Variants in ASAP1 observed in about 807,000 individuals in gnomAD.
ASAP1 encodes the protein arf-GAP with SH3 domain, ANK repeat and PH domain-containing protein 1.
Under a neutral mutation model 145.2 loss-of-function variants are expected in ASAP1, and 43 were observed. The ratio of observed to expected loss-of-function variants is 0.30; its 90% confidence interval spans 0.23 to 0.38. The LOEUF (loss-of-function observed/expected upper bound fraction) is 0.38, where lower values mean the gene tolerates loss of function less well. ASAP1 is among the 10% of genes least tolerant of loss of function. ASAP1 has a pLI of 1.00. For missense variants in ASAP1, 1,018 were observed against 1,355.3 expected (o/e 0.75, Z 3.91); for synonymous variants, 546 against 515.5 (o/e 1.06, Z -0.80).
intron 7 of ASAP1, among the ~76,000 whole-genome samples, chr8:130,181,701 A>G (rs939123280): frequency 6.6e-6 from 1 of 152,224 alleles, no homozygotes; most frequent in African/African-American, 2.4e-5. Flanking sequence ...GTGATAAAGA[A>G]GAAAGGCCCA....
rs10678909 is a variant in ASAP1 at position 130,276,728 on chromosome 8, A to ACTCTCTCTCTCT, written c.187-39746_187-39735dup. ...CACACACACACACACACACACACACACTCTCTCTCTCTCTCTCTCTCTCTC... is the reference window on the plus strand; with the variant it reads ...CACACACACACACACACACACACACACTCTCTCTCTCTCTCTCTCTCTCTCTCTCTCTCTCTC... On this transcript the variant is annotated intron_variant, in intron 3 of 29. Transcript: ENST00000518721. Among the ~76,000 whole-genome samples the ACTCTCTCTCTCT allele has an allele frequency of 1.1e-3, 92 of 87,304 alleles. 1 individual carries two copies. The highest frequency in any genetic ancestry group is 9.4e-3 in the South Asian group (16 of 1,706). 57.3% of individuals were successfully genotyped at this position (87,304 alleles called of 152,430 possible). A position where few individuals can be genotyped will look rare whatever the true frequency, so the allele number is the denominator to read the frequency against.
intron 11 of ASAP1, chr8:130,160,928 T>C (rs1257954768): frequency 5.3e-6 from 3 of 564,756 alleles, no homozygotes; most frequent in African/African-American, 4.0e-5. Context: ...GTAAAGATAA[T>C]ACCAGAAAAC....
intron 3 of ASAP1, among the ~76,000 whole-genome samples, chr8:130,305,551 G>T (rs1202391711): frequency 6.6e-6 from 1 of 151,944 alleles, no homozygotes; most frequent in Non-Finnish European, 1.5e-5. Context: ...TTTAGTAGAG[G>T]GGGTGTTTCA....
At chr8:130,159,494 C>A (rs774769423) in intron 12 of ASAP1, among the ~76,000 whole-genome samples, 10 of 146,630 alleles carry the variant, frequency 6.8e-5, no homozygotes, top group Non-Finnish European at 1.2e-4. Context: ...TGGTGGCAGG[C>A]GCCTGCAGTC....
intron 3 of ASAP1, among the ~76,000 whole-genome samples, chr8:130,266,799 TAGAC>T (rs1820273731): frequency 6.6e-6 from 1 of 152,002 alleles, no homozygotes; most frequent in Admixed American, 6.6e-5. Flanking sequence ...CTATGAACGA[TAGAC>T]AGATATAAAT....
rs1292399289 is a variant in ASAP1, at chr8:130,129,812, G to T, written c.1218-1722C>A. Among the ~76,000 whole-genome samples, 4 of 152,166 alleles carry T rather than the reference G, an allele frequency of 2.6e-5. No homozygotes were observed. The East Asian group carries it at 5.8e-4, about 22-fold the overall frequency. ...ATATACACAGCTTAACTTCTGTGAT[G>T]CAGAAAACTGAACATTTCAAAACCA... On this transcript the variant is annotated intron_variant, in intron 15 of 29. Transcript: ENST00000518721.
At chr8:130,368,683 A>T (rs1827076679) in intron 2 of ASAP1, among the ~76,000 whole-genome samples, 1 of 152,194 alleles carries the variant, frequency 6.6e-6, no homozygotes, top group Non-Finnish European at 1.5e-5. Flanking sequence ...TCTCTCTAAG[A>T]CTTAGTAGGC....
intron 11 of ASAP1, among the ~76,000 whole-genome samples, chr8:130,161,299 C>T (rs2097668765): frequency 1.3e-5 from 2 of 152,256 alleles, no homozygotes; most frequent in East Asian, 1.9e-4. Context: ...CAACCACTGG[C>T]TATTTACTGA....
intron 7 of ASAP1, among the ~76,000 whole-genome samples, chr8:130,183,390 G>GA (rs1814501773): frequency 6.6e-6 from 1 of 152,142 alleles, no homozygotes; most frequent in South Asian, 2.1e-4. Flanking sequence ...GCCCAGGCTG[G>GA]AGTGCAGTGG....
intron 3 of ASAP1, chr8:130,340,986 G>T (rs556951638): frequency 2.3e-6 from 1 of 443,490 alleles, no homozygotes; most frequent in Non-Finnish European, 4.5e-6. Flanking sequence ...TTGTTTTGTC[G>T]CTGGGGGGCA....
intron 3 of ASAP1, among the ~76,000 whole-genome samples, chr8:130,306,263 A>G (rs1341315863): frequency 6.6e-6 from 1 of 152,204 alleles, no homozygotes; most frequent in African/African-American, 2.4e-5. Flanking sequence ...GTTACCTTTC[A>G]CTACAAGTAT....
chr8:130,313,729 A>C (rs1217039488), intron 3 of ASAP1, among the ~76,000 whole-genome samples: 1 of 152,222 alleles, frequency 6.6e-6, no homozygotes, highest in East Asian at 1.9e-4. Context: ...AAATCTTATG[A>C]ATTTTTATCT....
chr8:130,111,961 C>T (rs543967749), intron 24 of ASAP1, 133 bp downstream of exon 24: 10 of 853,414 alleles, frequency 1.2e-5, no homozygotes, highest in Non-Finnish European at 1.9e-5. Context: ...TCAAGCTGCT[C>T]CTGACAACAC....
chr8:130,221,519 G>A (rs899480263), intron 4 of ASAP1, among the ~76,000 whole-genome samples: 1 of 151,974 alleles, frequency 6.6e-6, no homozygotes, highest in Non-Finnish European at 1.5e-5. Flanking sequence ...ATAATTTACT[G>A]CCCTATAATT....
At position 130,260,997 on chromosome 8, in the gene ASAP1, G is replaced by T. The variant is rs568709035; in HGVS notation, c.187-24003C>A. 4.6e-5 allele frequency among the ~76,000 whole-genome samples: 7 copies of T among 151,908 alleles called. 1 individual carries two copies. Among genetic ancestry groups the T allele is most frequent in the African/African-American group, 1.7e-4 (7 of 41,392 alleles). On this transcript the variant is annotated intron_variant, in intron 3 of 29. Transcript: ENST00000518721. ...TCTTTCATTCCTCAATCAACTTTAC[G>T]CAGAGATGCAGTCCACATTTATTCA...
At chr8:130,349,328 C>T (rs1340432672) in intron 3 of ASAP1, among the ~76,000 whole-genome samples, 1 of 152,196 alleles carries the variant, frequency 6.6e-6, no homozygotes, top group Non-Finnish European at 1.5e-5. Context: ...TCATCACTGA[C>T]CCTTCAGAAA....
chr8:130,388,234 G>C lies in ASAP1; in HGVS notation c.59+13651C>G, dbSNP rs564522194. Among the ~76,000 whole-genome samples, 11 of 152,312 alleles carry C rather than the reference G, an allele frequency of 7.2e-5. No homozygotes were observed. The East Asian group carries it at 2.1e-3, about 29-fold the overall frequency. On this transcript the variant is annotated intron_variant, in intron 2 of 29. Transcript: ENST00000518721. Reference sequence around the variant, plus strand: ...ATGTGCTGAAGCCTCTTGGGGAAACGGGGTGGAGGCAGAGGAGGGTACAGA... The same window carrying C: ...ATGTGCTGAAGCCTCTTGGGGAAACCGGGTGGAGGCAGAGGAGGGTACAGA...
At chr8:130,093,666 C>CAAAAAAAAAAAAAAAAAAAAAA (rs71572317) in intron 24 of ASAP1, among the ~76,000 whole-genome samples, 1 of 52,200 alleles carries the variant, frequency 1.9e-5, no homozygotes, top group African/African-American at 7.4e-5. Context: ...GACTCCGTCT[C>CAAAAAAAAAAAAAAAAAAAAAA]AAAAAAAAAA....
intron 7 of ASAP1, 39 bp from the exon 8 acceptor site, chr8:130,180,919 AT>A (rs767999653): frequency 3.8e-6 from 6 of 1,559,786 alleles, no homozygotes; most frequent in South Asian, 1.2e-5. Flanking sequence ...AAAAAAAAAA[AT>A]ACACTCATGT....
Sources: allele counts gnomAD v4.1 joint callset (sites outside exome capture counted in the v4.1 genomes callset), GRCh38; gene constraint gnomAD v4.1.1; transcripts MANE v1.5; gene names NCBI Gene and HGNC (gene_info 2026-07-23, HGNC 2026-07-21).